FOXP1: variants seen among roughly 807,000 people sequenced by gnomAD.
FOXP1 encodes the protein forkhead box protein P1.
Under a neutral mutation model 98.2 loss-of-function variants are expected in FOXP1, and 15 were observed. The ratio of observed to expected loss-of-function variants is 0.15; its 90% confidence interval spans 0.10 to 0.24. FOXP1 has a LOEUF of 0.24. Among genes scored for constraint, FOXP1 ranks in the 10% least tolerant of loss-of-function variants. The pLI, the probability that FOXP1 is intolerant of heterozygous loss-of-function variation, is 1.00. For synonymous variants in FOXP1, 371 were observed against 314.5 expected (o/e 1.18, Z -1.90); for missense variants, 633 against 848.5 (o/e 0.75, Z 3.15).
At chr3:70,987,800 T>G (rs544714697) in intron 14 of FOXP1, among the ~76,000 whole-genome samples, 194 bp downstream of exon 14, 91 of 152,224 alleles carry the variant, frequency 6.0e-4, no homozygotes, top group Non-Finnish European at 1.0e-3. Context: ...TGAATCATCC[T>G]GTATCTCCCC....
intron 5 of FOXP1, among the ~76,000 whole-genome samples, chr3:71,286,280 A>T (rs943969677): frequency 1.8e-4 from 28 of 152,208 alleles, no homozygotes; most frequent in African/African-American, 6.0e-4. Context: ...ATTAGATGGG[A>T]TATCTACCAC....
chr3:71,337,095 T>C (rs2076730634), intron 4 of FOXP1, among the ~76,000 whole-genome samples: 1 of 152,172 alleles, frequency 6.6e-6, no homozygotes. Context: ...CACATGTAGG[T>C]GATCAAATAA....
At chr3:70,970,965 A>AG in intron 18 of FOXP1, 160 bp from the exon 19 acceptor site, 1 of 672,394 alleles carries the variant, frequency 1.5e-6, no homozygotes, top group Non-Finnish European at 2.7e-6. Context: ...ACTGATTTGC[A>AG]GGGCGGGTGT....
intron 7 of FOXP1, among the ~76,000 whole-genome samples, chr3:71,100,978 G>T (rs936810031): frequency 1.3e-5 from 2 of 152,146 alleles, no homozygotes; most frequent in East Asian, 1.9e-4. Context: ...GATGCATAAA[G>T]AACAGAAGAT....
intron 3 of FOXP1, among the ~76,000 whole-genome samples, chr3:71,478,980 C>T (rs1185303089): frequency 1.3e-5 from 2 of 152,158 alleles, no homozygotes; most frequent in Non-Finnish European, 2.9e-5. Context: ...TACACCATCC[C>T]CAGTGTTGTG....
intron 5 of FOXP1, among the ~76,000 whole-genome samples, chr3:71,257,207 A>C (rs1275904528): frequency 2.6e-5 from 4 of 152,232 alleles, no homozygotes; most frequent in Non-Finnish European, 1.5e-5. Flanking sequence ...CACTTAAAGA[A>C]AGACCAGTGG....
chr3:71,311,419 T>C (rs1628265), intron 4 of FOXP1, among the ~76,000 whole-genome samples: 142,688 of 152,296 alleles, frequency 0.94, 67,576 homozygotes, highest in East Asian at 1. Context: ...TACAGAGCAG[T>C]GGCTACGCAG....
chr3:71,472,730 G>A (rs992401051), intron 3 of FOXP1, among the ~76,000 whole-genome samples: 2 of 152,208 alleles, frequency 1.3e-5, no homozygotes, highest in Admixed American at 6.5e-5. Flanking sequence ...AAGAGAAGTA[G>A]ATTAGAATAA....
chr3:71,578,925 C>T (rs1448368207), intron 2 of FOXP1, among the ~76,000 whole-genome samples: 1 of 152,156 alleles, frequency 6.6e-6, no homozygotes, highest in Admixed American at 6.5e-5. Flanking sequence ...GTTTTCAAAA[C>T]ATTACATATT....
intron 20 of FOXP1, 138 bp from the exon 21 acceptor site, chr3:70,959,529 G>T: frequency 3.4e-6 from 3 of 888,414 alleles, no homozygotes; most frequent in Non-Finnish European, 5.4e-6. Flanking sequence ...TTAGCCACAC[G>T]TGGCTCTTTA....
chr3:71,071,575 TTC>T (rs1316756068), intron 7 of FOXP1, among the ~76,000 whole-genome samples: 9 of 152,148 alleles, frequency 5.9e-5, no homozygotes, highest in African/African-American at 2.2e-4. Flanking sequence ...TCTCTATAAT[TTC>T]TTTTTTTCTT....
intron 3 of FOXP1, among the ~76,000 whole-genome samples, chr3:71,430,925 G>A (rs962907016): frequency 2.6e-5 from 4 of 152,208 alleles, no homozygotes; most frequent in East Asian, 1.9e-4. Context: ...CACAACCACC[G>A]GGAAATATGG....
intron 3 of FOXP1, among the ~76,000 whole-genome samples, 164 bp from the exon 4 acceptor site, chr3:71,359,408 A>C (rs1215397939): frequency 6.6e-6 from 1 of 152,196 alleles, no homozygotes; most frequent in East Asian, 1.9e-4. Flanking sequence ...GCCTTCTAGA[A>C]TCAGCATTTG....
intron 7 of FOXP1, among the ~76,000 whole-genome samples, chr3:71,093,753 G>T (rs1324802725): frequency 6.6e-6 from 1 of 151,636 alleles, no homozygotes; most frequent in Admixed American, 6.6e-5. Context: ...CTTCCCAGAG[G>T]CCTTGCTCTC....
intron 3 of FOXP1, among the ~76,000 whole-genome samples, chr3:71,401,054 C>T (rs1277841381): frequency 6.6e-6 from 1 of 152,090 alleles, no homozygotes; most frequent in Non-Finnish European, 1.5e-5. Flanking sequence ...CGGGAGTCTC[C>T]TCCACCCCCA....
In FOXP1 at chr3:71,125,944, T is replaced by C. The variant is rs11927746; in HGVS notation, c.181-13307A>G. Among the ~76,000 whole-genome samples, 426 of 152,320 alleles carry C rather than the reference T, an allele frequency of 2.8e-3. 2 individuals carry two copies. The highest frequency in any genetic ancestry group is 9.9e-3 in the African/African-American group (410 of 41,582). ...AACCTCTCTGTGTCTTAGTTTCTTC[T>C]TCAATAAGAATGGGAGGAACTGAAA... On this transcript the variant is annotated intron_variant, in intron 6 of 20. Coordinates refer to ENST00000649528, the MANE Select transcript of FOXP1 (RefSeq NM_001349338.3).
intron 2 of FOXP1, among the ~76,000 whole-genome samples, chr3:71,532,467 G>A (rs976758451): frequency 1.3e-5 from 2 of 152,088 alleles, no homozygotes; most frequent in African/African-American, 4.8e-5. Flanking sequence ...TACACTCCCT[G>A]GATGGCTGTC....
intron 2 of FOXP1, among the ~76,000 whole-genome samples, chr3:71,549,687 AT>A (rs1188198280): frequency 6.6e-6 from 1 of 152,146 alleles, no homozygotes; most frequent in Non-Finnish European, 1.5e-5. Context: ...AAACATATAT[AT>A]TTTAATAAAA....
At chr3:71,064,310 A>G (rs555215054) in intron 7 of FOXP1, among the ~76,000 whole-genome samples, 2 of 152,342 alleles carry the variant, frequency 1.3e-5, no homozygotes, top group Non-Finnish European at 2.9e-5. Flanking sequence ...GGTTACACTG[A>G]GATGGAAGGC....
Sources: allele counts gnomAD v4.1 joint callset (sites outside exome capture counted in the v4.1 genomes callset), GRCh38; gene constraint gnomAD v4.1.1; transcripts MANE v1.5; gene names NCBI Gene and HGNC (gene_info 2026-07-23, HGNC 2026-07-21).